The following QSOX1 variants were observed in gnomAD, a reference collection of about 807,000 sequenced individuals.
The protein encoded by QSOX1 is sulfhydryl oxidase 1.
In QSOX1, 40 loss-of-function variants were observed where a neutral mutation model predicts 76.1. The ratio of observed to expected loss-of-function variants is 0.53; its 90% CI spans 0.41 to 0.68. The LOEUF (loss-of-function observed/expected upper bound fraction) is 0.68, where lower values mean the gene tolerates loss of function less well. Among genes scored for constraint, QSOX1 ranks in the 30% least tolerant of loss-of-function variants. The pLI, the probability that QSOX1 is intolerant of heterozygous loss-of-function variation, is 0.00. For missense variants in QSOX1, 931 were observed against 974.3 expected (o/e 0.96, Z 0.59); for synonymous variants, 392 against 413.1 (o/e 0.95, Z 0.62).
In QSOX1 at chr1:180,192,954, A is replaced by G. The variant is rs1216667752; in HGVS notation, c.1289-1259A>G. ...TGATTTCAAGGGGGCCCCAGAGTCC[A>G]GTGTTTCAAGATAGAGGTGTAGTCA... On this transcript the variant is annotated intron_variant, in intron 10 of 11. Transcript: ENST00000367602. Among the ~76,000 whole-genome samples the G allele has an allele frequency of 6.6e-5, 10 of 152,202 alleles. No individual in the cohort carries two copies. In the East Asian group the frequency reaches 1.9e-3, roughly 30 times the overall value.
At chr1:180,194,625 T>C (rs1054932776) in intron 11 of QSOX1, among the ~76,000 whole-genome samples, 3 of 152,220 alleles carry the variant, frequency 2.0e-5, no homozygotes, top group Non-Finnish European at 4.4e-5. Context: ...TTTTCCCTGC[T>C]CTAGGGCCCC....
At chr1:180,175,503 C>T (rs1558187320) in intron 3 of QSOX1, 137 bp downstream of exon 3, 1 of 910,844 alleles carries the variant, frequency 1.1e-6, no homozygotes, top group Non-Finnish European at 1.8e-6. Context: ...GGAAGCCTAA[C>T]TTGTGTCTTC....
chr1:180,187,801 TA>T (rs1434892863), intron 8 of QSOX1, among the ~76,000 whole-genome samples: 3 of 152,282 alleles, frequency 2.0e-5, no homozygotes, highest in Admixed American at 2.0e-4. Flanking sequence ...GGAAGCCAGG[TA>T]TGCCCCGCAG....
chr1:180,170,987 G>C (rs948859493), intron 2 of QSOX1, among the ~76,000 whole-genome samples: 7 of 152,200 alleles, frequency 4.6e-5, no homozygotes, highest in African/African-American at 1.7e-4. Context: ...TGTGAGGTGA[G>C]TTTGGGTTTG....
chr1:180,187,615 T>C (rs901450604), intron 8 of QSOX1, among the ~76,000 whole-genome samples: 5 of 152,340 alleles, frequency 3.3e-5, no homozygotes, highest in East Asian at 1.9e-4. Context: ...GCAGCCGGTA[T>C]GGGGGAAAAG....
At position 180,197,747 on chromosome 1, in the gene QSOX1, TG is replaced by T. The variant is rs1304155017; in HGVS notation, c.*712del. On this transcript the variant is annotated 3_prime_UTR_variant, in exon 12 of 12. Transcript: ENST00000367602. ...GATGTGGGTCTCTAGTGCCTTGCCCTGGCTTAGCTGCAGGAGAAGATGGCTG... is the reference window on the plus strand; with the variant it reads ...GATGTGGGTCTCTAGTGCCTTGCCCTGCTTAGCTGCAGGAGAAGATGGCTG... 3.6e-6 allele frequency: 1 copy of T among 277,710 alleles called. No homozygotes were observed. Among genetic ancestry groups the T allele is most frequent in the Non-Finnish European group, 7.0e-6 (1 of 143,316 alleles). The allele number at this position is 277,710 out of a possible 1,614,324, so 17.2% of individuals were successfully genotyped here. A position where few individuals can be genotyped will look rare whatever the true frequency, so the allele number is the denominator to read the frequency against.
intron 4 of QSOX1, 75 bp from the exon 5 acceptor site, chr1:180,178,719 G>A: frequency 7.5e-7 from 1 of 1,340,078 alleles, no homozygotes; most frequent in Non-Finnish European, 1.1e-6. Flanking sequence ...TGCATCACCA[G>A]CGTCTGGCGT....
rs563040071 is a variant in QSOX1, at chr1:180,182,203, C to T, written c.636C>T (p.Gly212=). Residue 212 remains glycine (G), a synonymous_variant, in exon 6 of 12, where the codon GGC becomes GGT. Coordinates refer to ENST00000367602, the MANE Select transcript of QSOX1 (RefSeq NM_002826.5). ...CTCTGGACCTGTCCCAGCACAAAGG[C>T]GTGGCGGTGCGCAGGGTGCTGAACA... ...EVALDLSQHK[G]VAVRRVLNTE... 1.1e-5 allele frequency: 17 copies of T among 1,614,184 alleles called. No individual in the cohort carries two copies. The highest frequency in any genetic ancestry group is 6.7e-5 in the East Asian group (3 of 44,878).
At chr1:180,194,160 T>C (rs1558193814) in intron 10 of QSOX1, 53 bp from the exon 11 acceptor site, 3 of 1,539,690 alleles carry the variant, frequency 1.9e-6, no homozygotes, top group Non-Finnish European at 2.6e-6. Flanking sequence ...AGGCAACGGC[T>C]GTGGGGCTGG....
At chr1:180,194,186 G>C in intron 10 of QSOX1, 27 bp from the exon 11 acceptor site, 4 of 1,588,396 alleles carry the variant, frequency 2.5e-6, no homozygotes, top group Non-Finnish European at 3.4e-6. Flanking sequence ...TGAAGGGCTG[G>C]TGCGTGGCAT....
chr1:180,183,120 C>G (rs953312850), intron 6 of QSOX1, among the ~76,000 whole-genome samples: 4 of 152,136 alleles, frequency 2.6e-5, no homozygotes, highest in Non-Finnish European at 4.4e-5. Context: ...ATTGTCTCCT[C>G]TCTCCGAGTT....
chr1:180,189,108 TG>T (rs1242161097), intron 8 of QSOX1, among the ~76,000 whole-genome samples: 1 of 152,174 alleles, frequency 6.6e-6, no homozygotes, highest in Non-Finnish European at 1.5e-5. Flanking sequence ...CTAACCCAGC[TG>T]GCCAGTCAGT....
At chr1:180,189,807 A>G in intron 9 of QSOX1, 133 bp downstream of exon 9, 1 of 989,512 alleles carries the variant, frequency 1.0e-6, no homozygotes, top group African/African-American at 1.6e-5. Context: ...GGTCCTAACA[A>G]TAATCAATAA....
intron 1 of QSOX1, among the ~76,000 whole-genome samples, chr1:180,163,853 AGT>A (rs1475188417): frequency 6.6e-6 from 1 of 152,192 alleles, no homozygotes; most frequent in Non-Finnish European, 1.5e-5. Flanking sequence ...TAGAGAGGGC[AGT>A]GAGGGGTGGA....
At chr1:180,174,883 G>A (rs1174190959) in intron 2 of QSOX1, among the ~76,000 whole-genome samples, 1 of 151,644 alleles carries the variant, frequency 6.6e-6, no homozygotes, top group South Asian at 2.1e-4. Flanking sequence ...AAACAGGCTC[G>A]GCCAGGCGCC....
intron 6 of QSOX1, among the ~76,000 whole-genome samples, chr1:180,183,483 A>T (rs780515584): frequency 6.6e-6 from 1 of 152,188 alleles, no homozygotes; most frequent in Non-Finnish European, 1.5e-5. Flanking sequence ...TTAGGGGGTA[A>T]TGTCACTTAT....
chr1:180,169,351 C>T (rs1228566558), intron 2 of QSOX1, among the ~76,000 whole-genome samples: 2 of 152,076 alleles, frequency 1.3e-5, no homozygotes, highest in African/African-American at 2.4e-5. Flanking sequence ...AAGGGGTACA[C>T]AGCACAGCAG....
chr1:180,160,140 TAA>T (rs1364028887), intron 1 of QSOX1, among the ~76,000 whole-genome samples: 1 of 152,134 alleles, frequency 6.6e-6, no homozygotes, highest in Non-Finnish European at 1.5e-5. Context: ...AGGATAATAC[TAA>T]GAGTTTACAA....
intron 5 of QSOX1, among the ~76,000 whole-genome samples, chr1:180,181,765 A>AG: frequency 6.6e-6 from 1 of 152,192 alleles, no homozygotes; most frequent in Non-Finnish European, 1.5e-5. Context: ...TGGACATCAG[A>AG]GAGCAGTCTT....
Sources: gnomAD v4.1 joint callset for allele counts (sites outside exome capture counted in the v4.1 genomes callset) on GRCh38, gnomAD v4.1.1 for gene constraint, MANE v1.5 for transcripts, NCBI Gene and HGNC (gene_info 2026-07-23, HGNC 2026-07-21) for gene names.